The following SLURP1 variants were observed in gnomAD, a reference collection of about 807,000 sequenced individuals.
SLURP1 encodes the protein secreted LY6/PLAUR domain containing 1, also known as secreted Ly-6/uPAR-related protein 1.
Under a neutral mutation model 7.9 loss-of-function variants are expected in SLURP1, and 2 were observed. The observed-to-expected ratio is 0.25, with a 90% CI of 0.10 to 0.79. The LOEUF (loss-of-function observed/expected upper bound fraction) is 0.79, where lower values mean the gene tolerates loss of function less well. SLURP1 is among the 30% of genes least tolerant of loss of function. The pLI is 0.69. For synonymous variants in SLURP1, 59 were observed against 54.9 expected, an observed-to-expected ratio of 1.07 and a Z score of -0.33; for missense variants, 111 against 139.8, an observed-to-expected ratio of 0.79 and a Z score of 1.04.
chr8:142,741,757 G>GCCCTGA lies in SLURP1; in HGVS notation c.178+40_178+45dup. ...AGGAGGGAGGCACTTGGGGGAGGTG[G>GCCCTGA]CCCTGACTCCAGTGCACCCAGGGCT... On this transcript the variant is annotated intron_variant, in intron 2 of 2. Coordinates refer to ENST00000246515, the MANE Select transcript of SLURP1 (RefSeq NM_020427.3). This position sits in a 1 kb window ranked among gnomAD's most constrained non-coding sequence, Gnocchi z 4.3. 6.2e-7 allele frequency: 1 copy of GCCCTGA among 1,603,314 alleles called. No homozygotes were observed. Among genetic ancestry groups the GCCCTGA allele is most frequent in the Non-Finnish European group, 8.5e-7 (1 of 1,179,668 alleles).
chr8:142,742,184 A>G, intron 1 of SLURP1, 144 bp downstream of exon 1: 1 of 1,033,634 alleles, frequency 9.7e-7, no homozygotes, highest in Non-Finnish European at 1.5e-6. Context: ...GGGACCCAGG[A>G]GGCTCACTGA....
At position 142,741,190 on chromosome 8, in the gene SLURP1, G is replaced by A; in HGVS notation, c.265C>T (p.His89Tyr). ...ATDPDSIGAA[H>Y]LIFCCFRDLC... ...TCTCGGAAGCAGCAGAAGATCAGGT[G>A]GGCGGCCCCGATGCTGTCGGGGTCG... Residue 89 changes from histidine (H) to tyrosine (Y), a missense_variant, in exon 3 of 3, where the codon CAC becomes TAC. By Grantham distance (83) the His-to-Tyr change is moderately conservative. Transcript: ENST00000246515. The surrounding 1 kb of genome is among the most constrained non-coding windows in gnomAD (Gnocchi z 4.3). The A allele has an allele frequency of 6.2e-7, 1 of 1,609,614 alleles. No individual in the cohort carries two copies. Among genetic ancestry groups the A allele is most frequent in the South Asian group, 1.1e-5 (1 of 91,070 alleles).
chr8:142,742,330 C>T lies in SLURP1; in HGVS notation c.56G>A (p.Cys19Tyr), dbSNP rs1315270550. ...LLLVAAWSMG[C>Y]GEALKCYTCK... ...CCACCAGCCTGCGGCCCACTCACCA[C>T]AGCCCATGCTCCAGGCTGCCACGAG... The change falls in exon 1 of 3, where the codon TGT (cysteine) becomes TAT (tyrosine). Residue 19 changes from cysteine to tyrosine, a missense_variant and splice_region_variant. Physicochemically the swap from Cys to Tyr is radical, Grantham distance 194. Coordinates refer to ENST00000246515, the MANE Select transcript of SLURP1 (RefSeq NM_020427.3). The T allele has an allele frequency of 6.2e-7, 1 of 1,612,962 alleles. No homozygotes were observed. Among genetic ancestry groups the T allele is most frequent in the Non-Finnish European group, 8.5e-7 (1 of 1,180,012 alleles).
In SLURP1 at chr8:142,741,354, G is replaced by A. The variant is rs1229488464; in HGVS notation, c.179-78C>T. ...TGCTGCACTGCTCCCAGCCGCCGTC[G>A]CCTGACCTCACCCTCCCTGTGATCC... is the stretch of plus-strand genomic sequence containing the variant. On this transcript the variant is annotated intron_variant, in intron 2 of 2. Transcript: ENST00000246515. This position sits in a 1 kb window ranked among gnomAD's most constrained non-coding sequence, Gnocchi z 4.3. 20 of 1,502,232 alleles carry A rather than the reference G, an allele frequency of 1.3e-5. No homozygotes were observed. Among genetic ancestry groups the A allele is most frequent in the African/African-American group, 4.1e-5 (3 of 72,448 alleles). 93.1% of individuals were successfully genotyped at this position (1,502,232 alleles called of 1,614,324 possible).
chr8:142,741,073 T>C lies in SLURP1; in HGVS notation c.*70A>G, dbSNP rs1815856014. The C allele has an allele frequency of 2.5e-6, 4 of 1,595,108 alleles. No homozygotes were observed. The highest frequency in any genetic ancestry group is 3.4e-6 in the Non-Finnish European group (4 of 1,177,172). ...AGCAGCAGGAAGCAGGGGGAGGTGA[T>C]CACAGGTGGAGCCAGGCCCCGTCAG... On this transcript the variant is annotated 3_prime_UTR_variant, in exon 3 of 3. Transcript: ENST00000246515. The surrounding 1 kb of genome is among the most constrained non-coding windows in gnomAD (Gnocchi z 4.3).
Position 142,741,168 on chromosome 8 carries a change from C to T in SLURP1, c.287G>A (p.Arg96Gln), listed in dbSNP as rs139944345. ...TCAGAGTTCCGAGTTGCAGAGGTCT[C>T]GGAAGCAGCAGAAGATCAGGTGGGC... ...GAAHLIFCCFRDLCNSEL is the reference protein window; with the variant it reads ...GAAHLIFCCFQDLCNSEL Residue 96 changes from arginine to glutamine, a missense_variant, in exon 3 of 3, where the codon CGA (arginine) becomes CAA (glutamine). Arg to Gln is a conservative substitution (Grantham distance 43). Transcript: ENST00000246515. The surrounding 1 kb of genome is among the most constrained non-coding windows in gnomAD (Gnocchi z 4.3). 9 of 1,607,784 alleles carry T rather than the reference C, an allele frequency of 5.6e-6. No individual in the cohort carries two copies. Among genetic ancestry groups the T allele is most frequent in the South Asian group, 2.2e-5 (2 of 91,076 alleles).
chr8:142,741,882 G>A lies in SLURP1; in HGVS notation c.99C>T (p.Thr33=), dbSNP rs187775640. 5 of 1,613,216 alleles carry A rather than the reference G, an allele frequency of 3.1e-6. No individual in the cohort carries two copies. In the Admixed American group the frequency reaches 8.3e-5, roughly 27 times the overall value. Reference sequence around the variant, plus strand: ...GGGTAATGGTCCTGCAGGAAGCACTGGTCATGGGCTCCTTGCAGGTGTAGC... The same window carrying A: ...GGGTAATGGTCCTGCAGGAAGCACTAGTCATGGGCTCCTTGCAGGTGTAGC... ...LKCYTCKEPM[T]SASCRTITRC... is the part of the protein sequence containing the mutation. The change falls in exon 2 of 3, where the codon ACC becomes ACT. Residue 33 remains threonine (T), a synonymous_variant. Coordinates refer to ENST00000246515, the MANE Select transcript of SLURP1 (RefSeq NM_020427.3). The surrounding 1 kb of genome is among the most constrained non-coding windows in gnomAD (Gnocchi z 4.3).
chr8:142,742,198 T>A, intron 1 of SLURP1, 130 bp downstream of exon 1: 1 of 1,085,490 alleles, frequency 9.2e-7, no homozygotes, highest in Non-Finnish European at 1.4e-6. Context: ...TCACTGAGAA[T>A]GAGGAGGGTG....
In SLURP1 at chr8:142,741,768, A is replaced by G; in HGVS notation, c.178+35T>C. On this transcript the variant is annotated intron_variant, in intron 2 of 2. Transcript: ENST00000246515. This position sits in a 1 kb window ranked among gnomAD's most constrained non-coding sequence, Gnocchi z 4.3. ...ACTTGGGGGAGGTGGCCCTGACTCC[A>G]GTGCACCCAGGGCTGCCGTGGGGCC... 2 of 1,605,980 alleles carry G rather than the reference A, an allele frequency of 1.2e-6. No individual in the cohort carries two copies. The highest frequency in any genetic ancestry group is 1.7e-6 in the Non-Finnish European group (2 of 1,179,836).
In SLURP1 at chr8:142,741,230, G is replaced by A; in HGVS notation, c.225C>T (p.Ser75=). 1 of 1,610,028 alleles carries A rather than the reference G, an allele frequency of 6.2e-7. No individual in the cohort carries two copies. The highest frequency in any genetic ancestry group is 8.5e-7 in the Non-Finnish European group (1 of 1,179,654). ...QSPVVTRSCS[S]SCVATDPDSI... ...TGTCGGGGTCGGTGGCCACACAGGA[G>A]CTGGAGCAGGAGCGGGTCACCACGG... The change falls in exon 3 of 3, where the codon AGC becomes AGT. Residue 75 remains serine, a synonymous_variant. Coordinates refer to ENST00000246515, the MANE Select transcript of SLURP1 (RefSeq NM_020427.3). This position sits in a 1 kb window ranked among gnomAD's most constrained non-coding sequence, Gnocchi z 4.3.
At chr8:142,742,223 C>CT in intron 1 of SLURP1, 105 bp downstream of exon 1, 2 of 1,265,732 alleles carry the variant, frequency 1.6e-6, no homozygotes, top group Non-Finnish European at 2.3e-6. Context: ...TCATGGAGGC[C>CT]TAAGGAGGCT....
Position 142,741,300 on chromosome 8 carries a change from A to T in SLURP1, c.179-24T>A. ...CTCTGCAGGGTGGGCCAGTGTCAGAACCCTCACTCCCCTGCAGCGCCTGCC... is the reference window on the plus strand; with the variant it reads ...CTCTGCAGGGTGGGCCAGTGTCAGATCCCTCACTCCCCTGCAGCGCCTGCC... On this transcript the variant is annotated intron_variant, in intron 2 of 2. Transcript: ENST00000246515. The surrounding 1 kb of genome is among the most constrained non-coding windows in gnomAD (Gnocchi z 4.3). 1 of 1,567,680 alleles carries T rather than the reference A, an allele frequency of 6.4e-7. No individual in the cohort carries two copies. The highest frequency in any genetic ancestry group is 8.6e-7 in the Non-Finnish European group (1 of 1,161,690).
At position 142,741,208 on chromosome 8, in the gene SLURP1, C is replaced by T. The variant is rs757120429; in HGVS notation, c.247G>A (p.Asp83Asn). The T allele has an allele frequency of 4.5e-5, 73 of 1,610,080 alleles. No homozygotes were observed. In the South Asian group the frequency reaches 6.8e-4, roughly 15 times the overall value. ...CSSSCVATDPDSIGAAHLIFC... is the reference protein window; with the variant it reads ...CSSSCVATDPNSIGAAHLIFC... ...ATCAGGTGGGCGGCCCCGATGCTGT[C>T]GGGGTCGGTGGCCACACAGGAGCTG... The change falls in exon 3 of 3, where the codon GAC (aspartate) becomes AAC (asparagine). Residue 83 changes from aspartate (D) to asparagine (N), a missense_variant. Asp to Asn is a conservative substitution (Grantham distance 23). Transcript: ENST00000246515. This position sits in a 1 kb window ranked among gnomAD's most constrained non-coding sequence, Gnocchi z 4.3.
rs1334554468 is a variant in SLURP1, at chr8:142,741,593, C to T, written c.178+210G>A. Among the ~76,000 whole-genome samples the T allele has an allele frequency of 1.3e-5, 2 of 152,234 alleles. No individual in the cohort carries two copies. The highest frequency in any genetic ancestry group is 1.5e-5 in the Non-Finnish European group (1 of 68,040). ...GGTACCCCGGCCATTAAGCCCCACC[C>T]ACCTCCAGCGCCTGGTGCCCCAGGA... On this transcript the variant is annotated intron_variant, in intron 2 of 2. Transcript: ENST00000246515. The surrounding 1 kb of genome is among the most constrained non-coding windows in gnomAD (Gnocchi z 4.3).
At position 142,741,701 on chromosome 8, in the gene SLURP1, C is replaced by T. The variant is rs1024421005; in HGVS notation, c.178+102G>A. 2 of 1,575,402 alleles carry T rather than the reference C, an allele frequency of 1.3e-6. No homozygotes were observed. The highest frequency in any genetic ancestry group is 2.7e-5 in the African/African-American group (2 of 74,494). Reference sequence around the variant, plus strand: ...CAGCCTGTTCTGCCCATCCCACCTGCTGCCTTTTGGGCCGGGAGGAGCACC... The same window carrying T: ...CAGCCTGTTCTGCCCATCCCACCTGTTGCCTTTTGGGCCGGGAGGAGCACC... On this transcript the variant is annotated intron_variant, in intron 2 of 2. Transcript: ENST00000246515. This position sits in a 1 kb window ranked among gnomAD's most constrained non-coding sequence, Gnocchi z 4.3.
In SLURP1 at chr8:142,741,251, C is replaced by G; in HGVS notation, c.204G>C (p.Val68=). 6.2e-7 allele frequency: 1 copy of G among 1,606,832 alleles called. No homozygotes were observed. Among genetic ancestry groups the G allele is most frequent in the Non-Finnish European group, 8.5e-7 (1 of 1,178,580 alleles). The change falls in exon 3 of 3, where the codon GTG becomes GTC. Residue 68 remains valine (V), a synonymous_variant. Coordinates refer to ENST00000246515, the MANE Select transcript of SLURP1 (RefSeq NM_020427.3). This position sits in a 1 kb window ranked among gnomAD's most constrained non-coding sequence, Gnocchi z 4.3. ...AGGAGCTGGAGCAGGAGCGGGTCAC[C>G]ACGGGGCTCTGGTTGAAGGGGTACT... ...EAEYPFNQSP[V]VTRSCSSSCV...
intron 1 of SLURP1, among the ~76,000 whole-genome samples, chr8:142,742,127 C>T (rs1323000355): frequency 6.6e-6 from 1 of 152,212 alleles, no homozygotes; most frequent in Non-Finnish European, 1.5e-5. Flanking sequence ...GTCTCCCTTC[C>T]TGCAGAGTGG....
rs780868623 is a variant in SLURP1, at chr8:142,741,963, G to A, written c.59-41C>T. On this transcript the variant is annotated intron_variant, in intron 1 of 2. Coordinates refer to ENST00000246515, the MANE Select transcript of SLURP1 (RefSeq NM_020427.3). The surrounding 1 kb of genome is among the most constrained non-coding windows in gnomAD (Gnocchi z 4.3). ...GGGCAGAACCTCATCACCTGACCTC[G>A]GTGGCCTCATCCTGGAACCAGGAGG... 1.7e-5 allele frequency: 27 copies of A among 1,605,948 alleles called. No homozygotes were observed. Among genetic ancestry groups the A allele is most frequent in the Admixed American group, 5.0e-5 (3 of 59,928 alleles).
At position 142,741,174 on chromosome 8, in the gene SLURP1, C is replaced by T; in HGVS notation, c.281G>A (p.Cys94Tyr). 2 of 1,608,560 alleles carry T rather than the reference C, an allele frequency of 1.2e-6. No individual in the cohort carries two copies. Among genetic ancestry groups the T allele is most frequent in the Non-Finnish European group, 1.7e-6 (2 of 1,179,950 alleles). Residue 94 changes from cysteine (C) to tyrosine (Y), a missense_variant, in exon 3 of 3, where the codon TGC becomes TAC. Transcript: ENST00000246515. The surrounding 1 kb of genome is among the most constrained non-coding windows in gnomAD (Gnocchi z 4.3). ...TTCCGAGTTGCAGAGGTCTCGGAAG[C>T]AGCAGAAGATCAGGTGGGCGGCCCC... ...SIGAAHLIFC[C>Y]FRDLCNSEL
Sources: gnomAD v4.1 joint callset for allele counts (sites outside exome capture counted in the v4.1 genomes callset) on GRCh38, gnomAD v4.1.1 for gene constraint, Gnocchi (gnomAD v3.1) non-coding constraint, MANE v1.5 for transcripts, NCBI Gene and HGNC (gene_info 2026-07-23, HGNC 2026-07-21) for gene names.